Variants in CDH9 observed in about 807,000 individuals in gnomAD.
CDH9 encodes cadherin 9, also known as cadherin-9.
A neutral mutation model predicts 70.9 loss-of-function variants in CDH9; 28 were observed. The ratio of observed to expected loss-of-function variants is 0.40; its 90% CI spans 0.29 to 0.54. CDH9 has a LOEUF of 0.54. CDH9 is among the 20% of genes least tolerant of loss of function. The probability of loss-of-function intolerance (pLI) is 0.59; values close to 1 mark genes in which losing one functional copy is unlikely to be tolerated. For synonymous variants in CDH9, 409 were observed against 343.1 expected, an observed-to-expected ratio of 1.19 and a Z score of -2.12; for missense variants, 874 against 984.4, an observed-to-expected ratio of 0.89 and a Z score of 1.50.
chr5:26,907,817 G>A (rs1304970169), intron 3 of CDH9, among the ~76,000 whole-genome samples: 1 of 151,988 alleles, frequency 6.6e-6, no homozygotes, highest in Non-Finnish European at 1.5e-5. Context: ...CTAAAAGTTT[G>A]AGTCTCACTC....
intron 3 of CDH9, among the ~76,000 whole-genome samples, chr5:26,909,133 G>A (rs866380657): frequency 3.3e-5 from 5 of 151,422 alleles, no homozygotes; most frequent in Middle Eastern, 3.4e-3. Context: ...ACAGGTGCCC[G>A]CCACCAAGCC....
intron 7 of CDH9, among the ~76,000 whole-genome samples, chr5:26,892,274 A>G (rs1055509626): frequency 5.3e-5 from 8 of 152,216 alleles, no homozygotes. Context: ...GAGCCATATC[A>G]GAAAGTGAGT....
At chr5:27,002,768 C>T (rs999432458) in intron 1 of CDH9, among the ~76,000 whole-genome samples, 5 of 150,210 alleles carry the variant, frequency 3.3e-5, no homozygotes, top group Admixed American at 6.7e-5. Flanking sequence ...CAGGGCCTGT[C>T]GTGGGGTTGG....
chr5:26,954,453 C>A (rs1035280948), intron 2 of CDH9, among the ~76,000 whole-genome samples: 5 of 124,122 alleles, frequency 4.0e-5, no homozygotes, highest in African/African-American at 6.2e-5. Context: ...GGCGCCATCT[C>A]GGCTCACTGC....
At chr5:26,888,351 A>G (rs12658938) in intron 9 of CDH9, among the ~76,000 whole-genome samples, 69,047 of 151,952 alleles carry the variant, frequency 0.45, 16,413 homozygotes, top group East Asian at 0.66. Flanking sequence ...GTAAACAAGC[A>G]AAATGTACTA....
chr5:26,937,541 T>G (rs150000458), intron 2 of CDH9, among the ~76,000 whole-genome samples: 4,315 of 152,226 alleles, frequency 0.028, 97 homozygotes, highest in Non-Finnish European at 0.045. Flanking sequence ...TGCATGAATA[T>G]GTATAGCAAC....
At chr5:26,999,128 C>T (rs1254896143) in intron 1 of CDH9, among the ~76,000 whole-genome samples, 1 of 151,860 alleles carries the variant, frequency 6.6e-6, no homozygotes. Context: ...ACCTGTGGTC[C>T]CAGCTACTTG....
At chr5:26,883,975 AC>A (rs1175076477) in intron 11 of CDH9, among the ~76,000 whole-genome samples, 1 of 152,120 alleles carries the variant, frequency 6.6e-6, no homozygotes, top group Non-Finnish European at 1.5e-5. Flanking sequence ...AAATGCATTA[AC>A]TACGTCCAGC....
intron 2 of CDH9, among the ~76,000 whole-genome samples, chr5:26,978,793 C>T (rs557562988): frequency 1.5e-3 from 231 of 151,600 alleles, no homozygotes; most frequent in African/African-American, 4.0e-3. Flanking sequence ...TAAGAATAAC[C>T]GCTAACTTTT....
At chr5:27,008,384 A>G (rs932451523) in intron 1 of CDH9, among the ~76,000 whole-genome samples, 2 of 151,872 alleles carry the variant, frequency 1.3e-5, no homozygotes, top group African/African-American at 4.8e-5. Flanking sequence ...CAGCTACTTG[A>G]GAGGCTAAGT....
Position 26,931,978 on chromosome 5 carries a change from G to C in CDH9, c.229-16054C>G, listed in dbSNP as rs143711071. On this transcript the variant is annotated intron_variant, in intron 2 of 11. Transcript: ENST00000231021. ...TCTATGTTCAGTGAATTTCAACCAA[G>C]ATAATTACAAATAAATGTAAGCATA... 6.2e-3 allele frequency among the ~76,000 whole-genome samples: 936 copies of C among 152,180 alleles called. 3 individuals are homozygous for C. Among genetic ancestry groups the C allele is most frequent in the Non-Finnish European group, 9.5e-3 (648 of 67,986 alleles).
intron 2 of CDH9, among the ~76,000 whole-genome samples, chr5:26,963,979 A>C (rs1274096159): frequency 1.3e-5 from 2 of 152,162 alleles, no homozygotes; most frequent in Non-Finnish European, 1.5e-5. Context: ...ATTATATGTG[A>C]GGTCCAAGGC....
At chr5:26,946,170 A>G (rs1741749003) in intron 2 of CDH9, among the ~76,000 whole-genome samples, 2 of 152,194 alleles carry the variant, frequency 1.3e-5, no homozygotes, top group Admixed American at 6.5e-5. Flanking sequence ...TGAAAGAGAC[A>G]ATCACACCTC....
intron 1 of CDH9, among the ~76,000 whole-genome samples, chr5:27,001,331 G>A (rs1742764140): frequency 6.6e-6 from 1 of 152,124 alleles, no homozygotes; most frequent in South Asian, 2.1e-4. Flanking sequence ...CTGGACTCTA[G>A]TTAATAAAGT....
chr5:26,952,726 A>G (rs140235807), intron 2 of CDH9, among the ~76,000 whole-genome samples: 1 of 151,006 alleles, frequency 6.6e-6, no homozygotes, highest in Admixed American at 6.6e-5. Context: ...AGTCCTCATG[A>G]ATAGATGAAT....
intron 2 of CDH9, among the ~76,000 whole-genome samples, chr5:26,963,585 C>A (rs1742076381): frequency 6.6e-6 from 1 of 151,946 alleles, no homozygotes; most frequent in Non-Finnish European, 1.5e-5. Flanking sequence ...GACCTTCTTT[C>A]AAAAGGTTCC....
At chr5:26,904,928 T>C (rs1740919123) in intron 5 of CDH9, among the ~76,000 whole-genome samples, 1 of 152,090 alleles carries the variant, frequency 6.6e-6, no homozygotes, top group African/African-American at 2.4e-5. Context: ...TTACAGAATG[T>C]CAAGGCATTA....
At chr5:26,903,077 A>T (rs1740884987) in intron 6 of CDH9, 1 of 197,186 alleles carries the variant, frequency 5.1e-6, no homozygotes. Context: ...AAAATATAAA[A>T]TAGAAGTATA....
At chr5:26,942,893 T>C (rs1741687402) in intron 2 of CDH9, among the ~76,000 whole-genome samples, 1 of 152,208 alleles carries the variant, frequency 6.6e-6, no homozygotes, top group Non-Finnish European at 1.5e-5. Context: ...TGTTTCTGTT[T>C]TGTTTTCAGT....
Sources: allele counts gnomAD v4.1 joint callset (sites outside exome capture counted in the v4.1 genomes callset), GRCh38; gene constraint gnomAD v4.1.1; transcripts MANE v1.5; gene names NCBI Gene and HGNC (gene_info 2026-07-23, HGNC 2026-07-21).